SCN9A: variants seen among roughly 807,000 people sequenced by gnomAD.
The protein encoded by SCN9A is sodium voltage-gated channel alpha subunit 9.
Under a neutral mutation model 187.0 loss-of-function variants are expected in SCN9A, and 131 were observed. That is an observed-to-expected ratio of 0.70 (90% CI 0.61 to 0.81). The LOEUF (loss-of-function observed/expected upper bound fraction) is 0.81. Among genes scored for constraint, SCN9A ranks in the 30% least tolerant of loss-of-function variants. The pLI, the probability that SCN9A is intolerant of heterozygous loss-of-function variation, is 0.00. For missense variants in SCN9A, 2,252 were observed against 2,396.6 expected (o/e 0.94, Z 1.26); for synonymous variants, 809 against 808.6 (o/e 1.00, Z -0.01).
At chr2:166,304,442 C>CCTG in intron 5 of SCN9A, 113 bp from the exon 6 acceptor site, 1 of 854,552 alleles carries the variant, frequency 1.2e-6, no homozygotes, top group Admixed American at 2.7e-5. Context: ...ATGTATAGTT[C>CCTG]TGCAAGTCTT....
At chr2:166,261,366 A>C (rs1002341436) in intron 17 of SCN9A, among the ~76,000 whole-genome samples, 4 of 151,938 alleles carry the variant, frequency 2.6e-5, no homozygotes, top group Admixed American at 1.3e-4. Flanking sequence ...CCAAAGTTGG[A>C]TAAGGATCTC....
chr2:166,240,778 G>T (rs956311860), intron 19 of SCN9A, among the ~76,000 whole-genome samples: 2 of 152,166 alleles, frequency 1.3e-5, no homozygotes, highest in Non-Finnish European at 2.9e-5. Flanking sequence ...GGCTCTGCCT[G>T]CTCCTTACCT....
rs1365098972 is a variant in SCN9A, at chr2:166,206,437, TCTCA to T, written c.4399-1977_4399-1974del. On this transcript the variant is annotated intron_variant, in intron 24 of 26. Transcript: ENST00000642356. ...GGACGGAAAACCAAACTCTGCATGT[TCTCA>T]CTCATAAGTGGGAGTTGAACAATGA... Among the ~76,000 whole-genome samples, 10 of 152,160 alleles carry T rather than the reference TCTCA, an allele frequency of 6.6e-5. 1 individual carries two copies. The highest frequency in any genetic ancestry group is 4.6e-4 in the Admixed American group (7 of 15,282).
chr2:166,300,649 C>T (rs1356407530), intron 7 of SCN9A, among the ~76,000 whole-genome samples: 4 of 150,614 alleles, frequency 2.7e-5, no homozygotes, highest in South Asian at 2.1e-4. Context: ...ATAAACGCAC[C>T]AATAAATGAA....
At chr2:166,324,164 G>T (rs1189609923) in intron 1 of SCN9A, among the ~76,000 whole-genome samples, 1 of 151,744 alleles carries the variant, frequency 6.6e-6, no homozygotes, top group Non-Finnish European at 1.5e-5. Context: ...TGTGGTGTGG[G>T]CGCCTGCAAT....
chr2:166,306,726 T>A, intron 3 of SCN9A, 127 bp from the exon 4 acceptor site: 1 of 747,502 alleles, frequency 1.3e-6, no homozygotes, highest in Non-Finnish European at 2.3e-6. Context: ...GACTATTTTG[T>A]CTCTTTGAAC....
intron 1 of SCN9A, among the ~76,000 whole-genome samples, chr2:166,366,147 T>C (rs1007662932): frequency 6.6e-6 from 1 of 152,176 alleles, no homozygotes; most frequent in Non-Finnish European, 1.5e-5. Context: ...CTACACATTT[T>C]GGAGGCCAAC....
intron 1 of SCN9A, among the ~76,000 whole-genome samples, chr2:166,365,908 A>G (rs903336126): frequency 3.3e-5 from 5 of 152,210 alleles, no homozygotes; most frequent in Admixed American, 1.3e-4. Flanking sequence ...TCTACAATAA[A>G]ACTTTATGAA....
chr2:166,336,096 C>A (rs1466958359), intron 1 of SCN9A, among the ~76,000 whole-genome samples: 2 of 152,044 alleles, frequency 1.3e-5, no homozygotes, highest in East Asian at 1.9e-4. Context: ...GTCCTAGAAC[C>A]AATCCCTCAC....
chr2:166,297,367 C>T (rs1287261402), intron 7 of SCN9A, among the ~76,000 whole-genome samples: 1 of 151,874 alleles, frequency 6.6e-6, no homozygotes, highest in Non-Finnish European at 1.5e-5. Flanking sequence ...CCCAAATGTC[C>T]ATCAACTGAT....
chr2:166,233,295 C>G (rs1348909666), intron 21 of SCN9A, 45 bp downstream of exon 21: 6 of 1,345,124 alleles, frequency 4.5e-6, no homozygotes, highest in Non-Finnish European at 5.9e-6. Flanking sequence ...ATATTTTAAA[C>G]CCCATTAAAA....
chr2:166,277,008 A>G lies in SCN9A; in HGVS notation c.2849T>C (p.Met950Thr), dbSNP rs1165318441. ...CACCAGGTTTCCAATGACCATGACC[A>G]TCATGTAAACAATAAGGCACATAGC... Reference protein sequence around the residue: ...GQAMCLIVYMMVMVIGNLVVL... With the variant: ...GQAMCLIVYMTVMVIGNLVVL... The change falls in exon 16 of 27, where the codon ATG (methionine) becomes ACG (threonine). Residue 950 changes from methionine (M) to threonine (T), a missense_variant. Coordinates refer to ENST00000642356, the MANE Select transcript of SCN9A (RefSeq NM_001365536.1). 3 of 1,613,808 alleles carry G rather than the reference A, an allele frequency of 1.9e-6. No homozygotes were observed. The highest frequency in any genetic ancestry group is 4.5e-5 in the East Asian group (2 of 44,880).
chr2:166,203,829 A>C (rs1373243637), intron 26 of SCN9A, 126 bp downstream of exon 26: 1 of 638,336 alleles, frequency 1.6e-6, no homozygotes, highest in South Asian at 2.3e-5. Context: ...GGATTTTTTC[A>C]TTCTTTCATT....
chr2:166,337,761 G>A (rs931681587), intron 1 of SCN9A, among the ~76,000 whole-genome samples: 1 of 152,026 alleles, frequency 6.6e-6, no homozygotes, highest in Non-Finnish European at 1.5e-5. Flanking sequence ...GAAAAGCTAG[G>A]TCACCTTAGT....
intron 24 of SCN9A, among the ~76,000 whole-genome samples, chr2:166,212,497 T>C (rs1236045672): frequency 6.6e-6 from 1 of 152,200 alleles, no homozygotes; most frequent in South Asian, 2.1e-4. Flanking sequence ...AAAGCAATCA[T>C]TGACAGATCT....
At chr2:166,200,001 T>G (rs1693421758) in intron 26 of SCN9A, 137 bp from the exon 27 acceptor site, 2 of 489,882 alleles carry the variant, frequency 4.1e-6, no homozygotes, top group East Asian at 4.5e-5. Context: ...TTTTTTTTTT[T>G]TTTTTTTTTT....
intron 26 of SCN9A, among the ~76,000 whole-genome samples, chr2:166,202,861 A>G (rs1004523880): frequency 7.9e-5 from 12 of 151,786 alleles, no homozygotes; most frequent in African/African-American, 2.9e-4. Flanking sequence ...TTCTCTTTCA[A>G]TATATGAACA....
intron 24 of SCN9A, among the ~76,000 whole-genome samples, chr2:166,221,278 T>C (rs535217021): frequency 6.6e-6 from 1 of 152,016 alleles, no homozygotes; most frequent in East Asian, 1.9e-4. Context: ...AAAATCCCAA[T>C]AGCATTATTT....
intron 24 of SCN9A, among the ~76,000 whole-genome samples, chr2:166,210,037 G>A (rs1019661070): frequency 6.6e-6 from 1 of 152,142 alleles, no homozygotes; most frequent in African/African-American, 2.4e-5. Context: ...ATTCACAATA[G>A]CAAAGACTTG....
Sources: allele counts gnomAD v4.1 joint callset (sites outside exome capture counted in the v4.1 genomes callset), GRCh38; gene constraint gnomAD v4.1.1; transcripts MANE v1.5; gene names NCBI Gene and HGNC (gene_info 2026-07-23, HGNC 2026-07-21).